TRPM3: variants seen among roughly 807,000 people sequenced by gnomAD.
The protein encoded by TRPM3 is long transient receptor potential channel 3.
TRPM3 carries 77 observed loss-of-function variants against 181.2 expected under a neutral mutation model. The ratio of observed to expected loss-of-function variants is 0.42; its 90% CI spans 0.35 to 0.51. The LOEUF is 0.51. Ranked by LOEUF, TRPM3 falls within the 20% of genes least tolerant of loss-of-function variation. The pLI, the probability that TRPM3 is intolerant of heterozygous loss-of-function variation, is 0.01. For synonymous variants in TRPM3, 745 were observed against 796.4 expected (o/e 0.94, Z 1.09); for missense variants, 1,759 against 2,196.7 (o/e 0.80, Z 3.98).
chr9:71,046,207 G>C (rs1398274129), intron 1 of TRPM3, among the ~76,000 whole-genome samples: 1 of 152,076 alleles, frequency 6.6e-6, no homozygotes, highest in African/African-American at 2.4e-5. Context: ...GGCTGGTCTT[G>C]AACTCCTAAC....
At chr9:71,041,899 A>G (rs748307144) in intron 1 of TRPM3, among the ~76,000 whole-genome samples, 22 of 152,266 alleles carry the variant, frequency 1.4e-4, no homozygotes, top group Non-Finnish European at 1.9e-4. Context: ...TCCTGCCTCA[A>G]TATTTTCTCT....
intron 25 of TRPM3, among the ~76,000 whole-genome samples, chr9:70,545,846 C>T (rs1395965946): frequency 6.6e-6 from 1 of 152,082 alleles, no homozygotes; most frequent in Non-Finnish European, 1.5e-5. Flanking sequence ...CTGCACCCGG[C>T]CTTAATATTC....
intron 1 of TRPM3, among the ~76,000 whole-genome samples, chr9:71,223,731 C>A (rs1289852569): frequency 1.3e-5 from 2 of 152,254 alleles, no homozygotes; most frequent in East Asian, 1.9e-4. Flanking sequence ...ACTGAAGAAT[C>A]CTTGGGGGAT....
chr9:71,032,063 TA>T (rs2057501969), intron 1 of TRPM3, among the ~76,000 whole-genome samples: 1 of 7,890 alleles, frequency 1.3e-4, no homozygotes, highest in Non-Finnish European at 1.7e-4. Flanking sequence ...ATATATTATA[TA>T]TATTATATTA....
intron 1 of TRPM3, among the ~76,000 whole-genome samples, chr9:71,228,833 G>T (rs1202407295): frequency 1.3e-5 from 2 of 152,040 alleles, no homozygotes; most frequent in African/African-American, 4.8e-5. Flanking sequence ...CAAAAATTTG[G>T]AAAGATATTC....
intron 1 of TRPM3, among the ~76,000 whole-genome samples, chr9:71,158,737 T>C (rs1004164844): frequency 6.6e-6 from 1 of 152,170 alleles, no homozygotes; most frequent in Non-Finnish European, 1.5e-5. Flanking sequence ...TTTCTGGTCC[T>C]GTCTATGAAT....
At chr9:70,697,271 G>T (rs1191524547) in intron 8 of TRPM3, among the ~76,000 whole-genome samples, 1 of 152,086 alleles carries the variant, frequency 6.6e-6, no homozygotes, top group Non-Finnish European at 1.5e-5. Context: ...TTAGCCTAAG[G>T]CCCTGTCATA....
At chr9:71,036,852 A>G (rs1482526482) in intron 1 of TRPM3, among the ~76,000 whole-genome samples, 2 of 152,230 alleles carry the variant, frequency 1.3e-5, no homozygotes, top group African/African-American at 4.8e-5. Flanking sequence ...CAAGAGACAC[A>G]TGTACTCAAA....
At chr9:71,142,273 G>T (rs547875844) in intron 1 of TRPM3, among the ~76,000 whole-genome samples, 1 of 152,202 alleles carries the variant, frequency 6.6e-6, no homozygotes, top group South Asian at 2.1e-4. Context: ...TTTGCATGTG[G>T]TGGCCACTCT....
intron 1 of TRPM3, among the ~76,000 whole-genome samples, chr9:71,186,575 T>A (rs2077693412): frequency 6.6e-6 from 1 of 151,912 alleles, no homozygotes; most frequent in Non-Finnish European, 1.5e-5. Flanking sequence ...GCACTGTATG[T>A]AAAAAAATAC....
At chr9:71,081,419 C>T (rs1431826758) in intron 1 of TRPM3, among the ~76,000 whole-genome samples, 2 of 152,114 alleles carry the variant, frequency 1.3e-5, no homozygotes, top group Admixed American at 6.6e-5. Context: ...ATAAGAGTGG[C>T]TCCCTTAGTA....
At chr9:70,848,381 T>C (rs2095070651) in intron 3 of TRPM3, among the ~76,000 whole-genome samples, 1 of 152,148 alleles carries the variant, frequency 6.6e-6, no homozygotes, top group Admixed American at 6.5e-5. Flanking sequence ...ATCAGAATTA[T>C]AGGTAGAAGT....
At chr9:70,581,896 C>CTTCCCTCCCTTCTTCAT (rs2055828279) in intron 22 of TRPM3, among the ~76,000 whole-genome samples, 1 of 151,364 alleles carries the variant, frequency 6.6e-6, no homozygotes, top group Non-Finnish European at 1.5e-5. Context: ...CCCTCCCTTC[C>CTTCCCTCCCTTCTTCAT]TCCTTCCCTC....
In TRPM3 at chr9:70,654,755, T is replaced by G. The variant is rs796516247; in HGVS notation, c.1346-14095A>C. On this transcript the variant is annotated intron_variant, in intron 9 of 25. Transcript: ENST00000677713. ...TGGAGTGCAGTGGCGCGATCTTGGC[T>G]CACTGCAAGCTCCGCTTCCTGGGTT... Among the ~76,000 whole-genome samples the G allele has an allele frequency of 2.0e-5, 3 of 150,098 alleles. No individual in the cohort carries two copies. The South Asian group carries it at 6.4e-4, about 32-fold the overall frequency.
intron 1 of TRPM3, among the ~76,000 whole-genome samples, chr9:71,327,069 C>T (rs929374087): frequency 4.6e-5 from 7 of 152,190 alleles, no homozygotes; most frequent in East Asian, 3.9e-4. Context: ...CCTCAGTTTC[C>T]GTAACTGGAC....
At chr9:71,400,075 AAGTC>A (rs1565535109) in intron 1 of TRPM3, among the ~76,000 whole-genome samples, 2 of 152,122 alleles carry the variant, frequency 1.3e-5, no homozygotes, top group Non-Finnish European at 1.5e-5. Context: ...TTGAAACACT[AAGTC>A]AGAGTCCTGC....
chr9:70,662,505 G>A (rs1265706920), intron 9 of TRPM3, among the ~76,000 whole-genome samples: 2 of 151,868 alleles, frequency 1.3e-5, no homozygotes, highest in Non-Finnish European at 2.9e-5. Flanking sequence ...TCCAACAAAG[G>A]TCTAGAATCC....
chr9:71,174,639 G>A (rs1382689428), intron 1 of TRPM3, among the ~76,000 whole-genome samples: 1 of 152,090 alleles, frequency 6.6e-6, no homozygotes, highest in African/African-American at 2.4e-5. Context: ...TTGAAACTGG[G>A]GAATGCTAAG....
intron 1 of TRPM3, among the ~76,000 whole-genome samples, chr9:71,284,629 TA>T (rs2085128550): frequency 6.6e-6 from 1 of 152,210 alleles, no homozygotes; most frequent in Admixed American, 6.5e-5. Context: ...TTTATATAGG[TA>T]AGCCATAAAT....
Sources: gnomAD v4.1 joint callset for allele counts (sites outside exome capture counted in the v4.1 genomes callset) on GRCh38, gnomAD v4.1.1 for gene constraint, MANE v1.5 for transcripts, NCBI Gene and HGNC (gene_info 2026-07-23, HGNC 2026-07-21) for gene names.